The following RBM27 variants were observed in gnomAD, a reference collection of about 807,000 sequenced individuals.
RBM27 encodes the protein RNA binding motif protein 27.
Under a neutral mutation model 135.3 loss-of-function variants are expected in RBM27, and 22 were observed. The observed-to-expected ratio is 0.16, with a 90% CI of 0.12 to 0.23. The LOEUF is 0.23. Among genes scored for constraint, RBM27 ranks in the 10% least tolerant of loss-of-function variants. The pLI, the probability that RBM27 is intolerant of heterozygous loss-of-function variation, is 1.00. For synonymous variants in RBM27, 481 were observed against 442.4 expected (o/e 1.09, Z -1.10); for missense variants, 1,009 against 1,281.0 (o/e 0.79, Z 3.24).
chr5:146,258,099 G>T (rs988946386), intron 10 of RBM27, among the ~76,000 whole-genome samples: 1 of 152,054 alleles, frequency 6.6e-6, no homozygotes, highest in Non-Finnish European at 1.5e-5. Context: ...AATTACAGGC[G>T]TGAGCCACCG....
At chr5:146,264,287 G>A (rs1053203420) in intron 14 of RBM27, among the ~76,000 whole-genome samples, 11 of 151,968 alleles carry the variant, frequency 7.2e-5, no homozygotes, top group South Asian at 4.1e-4. Context: ...GGGTTCAAGC[G>A]ATTCTGCTGC....
rs554709388 is a variant in RBM27 at position 146,279,174 on chromosome 5, G to A, written c.2989-5448G>A. Among the ~76,000 whole-genome samples the A allele has an allele frequency of 1.6e-4, 24 of 152,096 alleles. No homozygotes were observed. The South Asian group carries it at 4.8e-3, about 30-fold the overall frequency. On this transcript the variant is annotated intron_variant, in intron 19 of 20. Transcript: ENST00000265271. Reference sequence around the variant, plus strand: ...TTTAAAAAGTACTTTTTAGGGCTGGGTGCGGTGGCTCACACCTGTAATCCC... The same window carrying A: ...TTTAAAAAGTACTTTTTAGGGCTGGATGCGGTGGCTCACACCTGTAATCCC...
intron 15 of RBM27, 125 bp from the exon 16 acceptor site, chr5:146,269,082 T>G: frequency 3.6e-6 from 2 of 561,602 alleles, no homozygotes; most frequent in Non-Finnish European, 3.2e-6. Context: ...TTCAAAGGTT[T>G]CATCTATGGT....
intron 19 of RBM27, 126 bp downstream of exon 19, chr5:146,271,800 T>A: frequency 2.7e-6 from 2 of 750,016 alleles, no homozygotes; most frequent in Non-Finnish European, 4.1e-6. Flanking sequence ...ACATGAGTAC[T>A]ACCAAATGCC....
chr5:146,267,542 C>T (rs1299752092), intron 14 of RBM27, 107 bp from the exon 15 acceptor site: 8 of 649,022 alleles, frequency 1.2e-5, no homozygotes, highest in Admixed American at 6.5e-5. Context: ...GAAAATTTAA[C>T]TCCTAAGAAG....
intron 8 of RBM27, among the ~76,000 whole-genome samples, chr5:146,247,039 T>C (rs1757655430): frequency 6.6e-6 from 1 of 151,832 alleles, no homozygotes. Flanking sequence ...GATTTTTAAA[T>C]TTTTTGTAGA....
rs781641054 is a variant in RBM27 at position 146,233,643 on chromosome 5, CCCAGGCCCGGGCCCAGGTCCAGGT to C, written c.1047_1070del (p.Pro351_Gly358del). On this transcript the variant is annotated inframe_deletion, in exon 7 of 21. Transcript: ENST00000265271. ...GCCCAGGCCCGGGCCCAGGTCCAGG[CCCAGGCCCGGGCCCAGGTCCAGGT>C]CCTGGCCATAGTATGAGACTTCCTG... 2.6e-6 allele frequency: 4 copies of C among 1,567,030 alleles called. No homozygotes were observed. Among genetic ancestry groups the C allele is most frequent in the Non-Finnish European group, 3.4e-6 (4 of 1,163,424 alleles).
intron 9 of RBM27, 114 bp downstream of exon 9, chr5:146,251,989 C>T: frequency 1.7e-6 from 2 of 1,183,236 alleles, no homozygotes; most frequent in Non-Finnish European, 2.4e-6. Flanking sequence ...CATTAAAGCT[C>T]ATAGGTAGTT....
Position 146,269,431 on chromosome 5 carries a change from C to A in RBM27, c.2538C>A (p.Ser846=). The A allele has an allele frequency of 1.9e-6, 3 of 1,552,798 alleles. No individual in the cohort carries two copies. The highest frequency in any genetic ancestry group is 2.3e-5 in the East Asian group (1 of 43,984). ...KQIECQKMLI[S]KLEKNKNMKP... ...TATTTATTTCGTAGATGTTAATATC[C>A]AAGTTAGAAAAAAACAAAAACATGA... The change falls in exon 17 of 21, where the codon TCC becomes TCA. Residue 846 remains serine, a synonymous_variant. Coordinates refer to ENST00000265271, the MANE Select transcript of RBM27 (RefSeq NM_018989.2).
intron 8 of RBM27, among the ~76,000 whole-genome samples, chr5:146,244,026 T>C (rs1757515804): frequency 6.6e-6 from 1 of 152,172 alleles, no homozygotes; most frequent in Non-Finnish European, 1.5e-5. Context: ...CAGTATATTT[T>C]GCTATTACAG....
chr5:146,258,548 T>C lies in RBM27; in HGVS notation c.1694T>C (p.Met565Thr). 1 of 1,592,014 alleles carries C rather than the reference T, an allele frequency of 6.3e-7. No individual in the cohort carries two copies. Among genetic ancestry groups the C allele is most frequent in the Non-Finnish European group, 8.6e-7 (1 of 1,169,256 alleles). ...GAACCAGATAGTCGAAAAAGAGCTA[T>C]GAGTGGTTTGGAAGGGCCACTCACA... ...VLEPDSRKRA[M>T]SGLEGPLTKK... The change falls in exon 11 of 21, where the codon ATG (methionine) becomes ACG (threonine). Residue 565 changes from methionine to threonine, a missense_variant. Around this residue, in one of 6 missense-constraint regions of RBM27, gnomAD observed 329 missense variants for 368.1 expected, o/e 0.89. Transcript: ENST00000265271.
intron 2 of RBM27, 38 bp from the exon 3 acceptor site, chr5:146,223,359 GTTTTTT>G: frequency 6.5e-7 from 1 of 1,547,166 alleles, no homozygotes; most frequent in Non-Finnish European, 8.7e-7. Flanking sequence ...TCAAATTTTT[GTTTTTT>G]GTTTGCGCAA....
Position 146,227,087 on chromosome 5 carries a change from A to G in RBM27, c.304-1859A>G, listed in dbSNP as rs558204351. ...ACTTTCTTCCTTGGTCTTCGGCTAC[A>G]TTGGGTTCCATTAGTGGTTTTCTAA... On this transcript the variant is annotated intron_variant, in intron 3 of 20. Transcript: ENST00000265271. Among the ~76,000 whole-genome samples the G allele has an allele frequency of 1.2e-4, 18 of 152,250 alleles. No homozygotes were observed. In the South Asian group the frequency reaches 1.2e-3, roughly 11 times the overall value.
intron 1 of RBM27, among the ~76,000 whole-genome samples, chr5:146,211,889 G>T (rs1755974296): frequency 6.6e-6 from 1 of 152,034 alleles, no homozygotes; most frequent in Admixed American, 6.6e-5. Context: ...AGAAAGTAGA[G>T]AAAAGAAAAT....
intron 15 of RBM27, among the ~76,000 whole-genome samples, chr5:146,268,565 G>C (rs1758723439): frequency 6.6e-6 from 1 of 151,934 alleles, no homozygotes; most frequent in Non-Finnish European, 1.5e-5. Context: ...CTAACCTATA[G>C]CTGCATGTCA....
At chr5:146,271,712 A>G (rs1035542445) in intron 19 of RBM27, 38 bp downstream of exon 19, 6 of 1,534,446 alleles carry the variant, frequency 3.9e-6, no homozygotes, top group African/African-American at 2.7e-5. Flanking sequence ...CTGTAAAAAC[A>G]CTGTGCTCAT....
chr5:146,253,467 C>T (rs1426960571), intron 9 of RBM27, among the ~76,000 whole-genome samples: 3 of 151,376 alleles, frequency 2.0e-5, no homozygotes, highest in African/African-American at 4.9e-5. Context: ...GATTAATTTT[C>T]AACATCATTT....
intron 8 of RBM27, among the ~76,000 whole-genome samples, chr5:146,240,901 A>G (rs1465893103): frequency 1.3e-5 from 2 of 152,220 alleles, no homozygotes; most frequent in Non-Finnish European, 2.9e-5. Context: ...TATATATAAA[A>G]GTAAAGAGGA....
At chr5:146,207,743 C>A (rs2126667113) in intron 1 of RBM27, among the ~76,000 whole-genome samples, 1 of 148,998 alleles carries the variant, frequency 6.7e-6, no homozygotes, top group East Asian at 2.0e-4. Flanking sequence ...CAACCTCCGT[C>A]TTCGGGGTTC....
Sources: gnomAD v4.1 joint callset for allele counts (sites outside exome capture counted in the v4.1 genomes callset) on GRCh38, gnomAD v4.1.1 for gene constraint, gnomAD v4.1.1 regional missense constraint, MANE v1.5 for transcripts, NCBI Gene and HGNC (gene_info 2026-07-23, HGNC 2026-07-21) for gene names.